CMIP: variants seen among roughly 807,000 people sequenced by gnomAD.
CMIP encodes c-Maf inducing protein.
CMIP carries 13 observed loss-of-function variants against 97.3 expected under a neutral mutation model. The observed-to-expected ratio is 0.13, with a 90% confidence interval of 0.09 to 0.21. The LOEUF (loss-of-function observed/expected upper bound fraction) is 0.21, where lower values mean the gene tolerates loss of function less well. Ranked by LOEUF, CMIP falls within the 10% of genes least tolerant of loss-of-function variation. CMIP has a pLI of 1.00. For missense variants in CMIP, 847 were observed against 1,024.9 expected (o/e 0.83, Z 2.37); for synonymous variants, 538 against 436.3 (o/e 1.23, Z -2.91).
rs1005403698 is a variant in CMIP at position 81,505,603 on chromosome 16, G to A, written c.300+60062G>A. On this transcript the variant is annotated intron_variant, in intron 1 of 20. Coordinates refer to ENST00000537098, the MANE Select transcript of CMIP (RefSeq NM_198390.3). ...GTGAAGAAAGTTATGAGTAGTGTCAGGGAGCTCTGCACAGAAACTTTGGCC... is the reference window on the plus strand; with the variant it reads ...GTGAAGAAAGTTATGAGTAGTGTCAAGGAGCTCTGCACAGAAACTTTGGCC... Among the ~76,000 whole-genome samples the A allele has an allele frequency of 2.0e-5, 3 of 152,198 alleles. No homozygotes were observed. In the East Asian group the frequency reaches 5.8e-4, roughly 29 times the overall value.
At chr16:81,461,529 G>A (rs181444282) in intron 1 of CMIP, among the ~76,000 whole-genome samples, 19 of 152,270 alleles carry the variant, frequency 1.2e-4, no homozygotes, top group Middle Eastern at 6.8e-3. Flanking sequence ...GGCATGCAAC[G>A]GGGACCCTAT....
intron 1 of CMIP, among the ~76,000 whole-genome samples, chr16:81,502,873 T>TC (rs1207703808): frequency 6.6e-6 from 1 of 152,202 alleles, no homozygotes; most frequent in African/African-American, 2.4e-5. Flanking sequence ...GCAGAGCCAG[T>TC]CCCCAGGCTG....
intron 1 of CMIP, among the ~76,000 whole-genome samples, chr16:81,533,339 A>C (rs1326114367): frequency 6.6e-6 from 1 of 152,266 alleles, no homozygotes; most frequent in African/African-American, 2.4e-5. Flanking sequence ...ATCATCAGTC[A>C]GTCAAACTTT....
At chr16:81,472,276 C>G (rs1399424012) in intron 1 of CMIP, among the ~76,000 whole-genome samples, 1 of 152,216 alleles carries the variant, frequency 6.6e-6, no homozygotes, top group African/African-American at 2.4e-5. Flanking sequence ...GTGTTTATGA[C>G]CTGGAATTGT....
chr16:81,562,480 T>C (rs895003403), intron 1 of CMIP, among the ~76,000 whole-genome samples: 1 of 152,240 alleles, frequency 6.6e-6, no homozygotes, highest in Admixed American at 6.5e-5. Context: ...GTGCTGGCAG[T>C]GTTGGCAGAT....
intron 2 of CMIP, among the ~76,000 whole-genome samples, chr16:81,608,703 G>A (rs373545132): frequency 2.6e-5 from 4 of 151,500 alleles, no homozygotes; most frequent in Admixed American, 6.6e-5. Flanking sequence ...CAAAAACCAC[G>A]ACCACGGTCA....
chr16:81,550,715 G>A (rs193051109), intron 1 of CMIP, among the ~76,000 whole-genome samples: 3 of 152,212 alleles, frequency 2.0e-5, no homozygotes, highest in Admixed American at 2.0e-4. Flanking sequence ...GGTGACCTTG[G>A]CTTTTGCCCA....
At chr16:81,528,478 G>A (rs1402735360) in intron 1 of CMIP, among the ~76,000 whole-genome samples, 2 of 152,208 alleles carry the variant, frequency 1.3e-5, no homozygotes, top group African/African-American at 4.8e-5. Context: ...CAGAGGTGGA[G>A]CGTGGAGCTG....
rs373965007 is a variant in CMIP, at chr16:81,639,971, G to A, written c.478-12232G>A. Among the ~76,000 whole-genome samples, 66 of 152,270 alleles carry A rather than the reference G, an allele frequency of 4.3e-4. No individual in the cohort carries two copies. In the Middle Eastern group the frequency reaches 0.01, roughly 24 times the overall value. ...TGGTGTGATGGTGGCTGCTGGTGTC[G>A]GCTGATGTACAGCTTTGTGTGAGAG... On this transcript the variant is annotated intron_variant, in intron 3 of 20. Transcript: ENST00000537098.
chr16:81,578,523 CA>C (rs1567590661), intron 1 of CMIP, among the ~76,000 whole-genome samples: 1 of 152,198 alleles, frequency 6.6e-6, no homozygotes, highest in Non-Finnish European at 1.5e-5. Flanking sequence ...CTTCCTTCTC[CA>C]AAAACGATCT....
intron 1 of CMIP, among the ~76,000 whole-genome samples, chr16:81,479,751 C>A (rs919359240): frequency 1.3e-5 from 2 of 152,110 alleles, no homozygotes; most frequent in African/African-American, 4.8e-5. Flanking sequence ...ACATCGTCAC[C>A]CCAGAAGGAA....
At chr16:81,565,216 T>C (rs1038124894) in intron 1 of CMIP, among the ~76,000 whole-genome samples, 2 of 152,092 alleles carry the variant, frequency 1.3e-5, no homozygotes, top group Non-Finnish European at 2.9e-5. Context: ...CAGCCCAAGA[T>C]CTGGGCCCAG....
chr16:81,569,483 C>G (rs768682988), intron 1 of CMIP, among the ~76,000 whole-genome samples: 1 of 152,212 alleles, frequency 6.6e-6, no homozygotes, highest in Non-Finnish European at 1.5e-5. Context: ...TCAGGGGATC[C>G]TGGCTTCTCT....
intron 20 of CMIP, 111 bp downstream of exon 20, chr16:81,707,195 T>A: frequency 1.2e-6 from 1 of 801,982 alleles, no homozygotes. Flanking sequence ...TGATGACATC[T>A]ACAGATCAAT....
chr16:81,605,471 A>G (rs1356481540), intron 1 of CMIP, among the ~76,000 whole-genome samples: 2 of 152,180 alleles, frequency 1.3e-5, no homozygotes, highest in Non-Finnish European at 2.9e-5. Flanking sequence ...TCTGTTTTCT[A>G]TGCAGCAATC....
intron 9 of CMIP, among the ~76,000 whole-genome samples, chr16:81,677,700 A>G (rs888413304): frequency 1.3e-5 from 2 of 152,214 alleles, no homozygotes; most frequent in Non-Finnish European, 2.9e-5. Context: ...TCCTCTGGGC[A>G]GTTAAAGATG....
At chr16:81,581,929 G>A (rs1266786847) in intron 1 of CMIP, among the ~76,000 whole-genome samples, 1 of 152,206 alleles carries the variant, frequency 6.6e-6, no homozygotes, top group Non-Finnish European at 1.5e-5. Context: ...AAGAAAGGAG[G>A]TTTAATGGGC....
At chr16:81,663,429 G>A (rs2092568933) in intron 6 of CMIP, among the ~76,000 whole-genome samples, 1 of 152,184 alleles carries the variant, frequency 6.6e-6, no homozygotes, top group African/African-American at 2.4e-5. Flanking sequence ...TCTGAAAAAA[G>A]CAAAACTATG....
chr16:81,524,672 C>T lies in CMIP; in HGVS notation c.300+79131C>T, dbSNP rs189158444. Among the ~76,000 whole-genome samples the T allele has an allele frequency of 1.1e-4, 16 of 152,352 alleles. No homozygotes were observed. In the East Asian group the frequency reaches 2.9e-3, roughly 27 times the overall value. On this transcript the variant is annotated intron_variant, in intron 1 of 20. Coordinates refer to ENST00000537098, the MANE Select transcript of CMIP (RefSeq NM_198390.3). The stretch of plus-strand genomic sequence containing the variant: ...TGGCACAGCTCATTAGTGGGTTTGG[C>T]GGCACAGGCCCTGCTCAGAGCCACC...
Sources: allele counts gnomAD v4.1 joint callset (sites outside exome capture counted in the v4.1 genomes callset), GRCh38; gene constraint gnomAD v4.1.1; transcripts MANE v1.5; gene names NCBI Gene and HGNC (gene_info 2026-07-23, HGNC 2026-07-21).